EIF3J: variants seen among roughly 807,000 people sequenced by gnomAD.
The protein encoded by EIF3J is eukaryotic translation initiation factor 3, subunit 1 (alpha, 35kD).
In EIF3J, 15 loss-of-function variants were observed where a neutral mutation model predicts 39.0. That is an observed-to-expected ratio of 0.38 (90% CI 0.26 to 0.59). The LOEUF is 0.59. Ranked by LOEUF, EIF3J falls within the 20% of genes least tolerant of loss-of-function variation. The pLI, the probability that EIF3J is intolerant of heterozygous loss-of-function variation, is 0.60. For synonymous variants in EIF3J, 98 were observed against 112.9 expected, an observed-to-expected ratio of 0.87 and a Z score of 0.84; for missense variants, 226 against 308.6, an observed-to-expected ratio of 0.73 and a Z score of 2.00.
intron 5 of EIF3J, 59 bp from the exon 6 acceptor site, chr15:44,557,430 G>C: frequency 7.5e-7 from 1 of 1,330,044 alleles, no homozygotes; most frequent in Non-Finnish European, 1.0e-6. Context: ...GCTTTGTAAG[G>C]TTTCATTTTT....
rs781005692 is a variant in EIF3J at position 44,554,597 on chromosome 15, A to G, written c.339A>G (p.Gln113=). The part of the protein sequence containing the change: ...EEPKVLTPEE[Q]LADKLRLKKL... ...CTAAAGTGCTAACACCAGAAGAACA[A>G]TTAGCAGATAAACTGCGGCTAAAGA... Residue 113 remains glutamine, a synonymous_variant, in exon 5 of 8, where the codon CAA becomes CAG. Coordinates refer to ENST00000261868, the MANE Select transcript of EIF3J (RefSeq NM_003758.4). 6 of 1,612,860 alleles carry G rather than the reference A, an allele frequency of 3.7e-6. No individual in the cohort carries two copies. The East Asian group carries it at 1.3e-4, about 36-fold the overall frequency.
chr15:44,542,394 A>T (rs761642373), intron 2 of EIF3J, among the ~76,000 whole-genome samples: 2 of 152,196 alleles, frequency 1.3e-5, no homozygotes, highest in Non-Finnish European at 2.9e-5. Flanking sequence ...TAAAGAAAAA[A>T]GGAGAAGGAG....
intron 5 of EIF3J, among the ~76,000 whole-genome samples, chr15:44,556,198 G>T (rs542619824): frequency 6.6e-6 from 1 of 152,208 alleles, no homozygotes; most frequent in South Asian, 2.1e-4. Flanking sequence ...GATTTAACAT[G>T]TTTACCCCCG....
intron 6 of EIF3J, 31 bp downstream of exon 6, chr15:44,557,681 G>A: frequency 2.1e-6 from 3 of 1,395,868 alleles, no homozygotes; most frequent in Non-Finnish European, 2.8e-6. Context: ...GCCCCTCTGG[G>A]TAGATTTTTA....
chr15:44,554,490 T>C, intron 4 of EIF3J, 63 bp from the exon 5 acceptor site: 2 of 863,524 alleles, frequency 2.3e-6, no homozygotes, highest in Non-Finnish European at 3.6e-6. Flanking sequence ...ATTCGTACAA[T>C]ACAGAAAGGT....
chr15:44,549,392 AAAAACAAAAC>A (rs372596724), intron 2 of EIF3J, among the ~76,000 whole-genome samples: 12 of 152,192 alleles, frequency 7.9e-5, no homozygotes, highest in African/African-American at 1.7e-4. Flanking sequence ...ACTCCAACTC[AAAAACAAAAC>A]AAAACAAAAC....
At chr15:44,550,853 T>C (rs1390851387) in intron 2 of EIF3J, 23 bp from the exon 3 acceptor site, 20 of 1,505,812 alleles carry the variant, frequency 1.3e-5, no homozygotes, top group Non-Finnish European at 1.8e-5. Context: ...GCAAGAATTA[T>C]TAATGGAAGT....
chr15:44,562,786 A>G lies in EIF3J; in HGVS notation c.*1637A>G, dbSNP rs1355820745. 8.3e-6 allele frequency: 2 copies of G among 240,956 alleles called. No homozygotes were observed. Among genetic ancestry groups the G allele is most frequent in the Non-Finnish European group, 1.6e-5 (2 of 122,178 alleles). 14.9% of individuals were successfully genotyped at this position (240,956 alleles called of 1,614,324 possible). ...CCTTAACTGTGTAAATAATAATTAA[A>G]TTTCTTTGAAACTGGAATCTGCAGG... On this transcript the variant is annotated 3_prime_UTR_variant, in exon 8 of 8. Coordinates refer to ENST00000261868, the MANE Select transcript of EIF3J (RefSeq NM_003758.4).
At chr15:44,547,106 C>G (rs539106537) in intron 2 of EIF3J, among the ~76,000 whole-genome samples, 2 of 143,818 alleles carry the variant, frequency 1.4e-5, no homozygotes, top group African/African-American at 5.2e-5. Flanking sequence ...TTAAAGTGCC[C>G]TGAGTTAGAG....
Position 44,537,234 on chromosome 15 carries a change from T to C in EIF3J, c.40T>C (p.Trp14Arg). The change falls in exon 1 of 8, where the codon TGG becomes CGG. Residue 14 changes from tryptophan to arginine, a missense_variant. This residue lies in a region of EIF3J where 143 missense variants were observed against 156.0 expected (regional missense o/e 0.92). Transcript: ENST00000261868. ...GGCGGCGGCGGGGGACTCGGACTCC[T>C]GGGGTGAGGAGAAGTTGCTGGGGCA... ...AAAAAGDSDS[W>R]DADAFSVEDP... 2 of 1,592,966 alleles carry C rather than the reference T, an allele frequency of 1.3e-6. No individual in the cohort carries two copies. Among genetic ancestry groups the C allele is most frequent in the Non-Finnish European group, 1.7e-6 (2 of 1,170,660 alleles).
In EIF3J at chr15:44,559,190, G is replaced by C. The variant is rs1440436544; in HGVS notation, c.572-1059G>C. ...GAGGCTGGTAGATCACCTGAGGTCAGGAGTTTGAGACTAACCTTGCCAACA... is the reference window on the plus strand; with the variant it reads ...GAGGCTGGTAGATCACCTGAGGTCACGAGTTTGAGACTAACCTTGCCAACA... On this transcript the variant is annotated intron_variant, in intron 6 of 7. Transcript: ENST00000261868. 2.7e-5 allele frequency: 4 copies of C among 148,976 alleles called. No individual in the cohort carries two copies. In the East Asian group the frequency reaches 8.0e-4, roughly 30 times the overall value. 9.2% of individuals were successfully genotyped at this position (148,976 alleles called of 1,614,324 possible). A position where few individuals can be genotyped will look rare whatever the true frequency, so the allele number is the denominator to read the frequency against.
At chr15:44,552,397 A>C (rs938362229) in intron 4 of EIF3J, among the ~76,000 whole-genome samples, 2 of 151,232 alleles carry the variant, frequency 1.3e-5, no homozygotes, top group African/African-American at 2.4e-5. Context: ...GGCACACGCA[A>C]CCATGCCTGG....
In EIF3J at chr15:44,551,470, TAAAAG is replaced by T. The variant is rs2082098498; in HGVS notation, c.244_248del (p.Lys82GlufsTer13). The T allele has an allele frequency of 6.3e-7, 1 of 1,588,454 alleles. No homozygotes were observed. Among genetic ancestry groups the T allele is most frequent in the Non-Finnish European group, 8.5e-7 (1 of 1,171,700 alleles). ...GAAAAGAAAAAAATAGCAGAGAAGATAAAAGAGAAAGAACGGCAACAGAAGAAAAG... is the reference window on the plus strand; with the variant it reads ...GAAAAGAAAAAAATAGCAGAGAAGATAGAAAGAACGGCAACAGAAGAAAAG... On this transcript the variant is annotated frameshift_variant, in exon 4 of 8. Transcript: ENST00000261868. LOFTEE classifies it high-confidence loss of function.
intron 2 of EIF3J, among the ~76,000 whole-genome samples, chr15:44,540,689 C>T (rs574881404): frequency 5.4e-4 from 83 of 152,324 alleles, no homozygotes; most frequent in Non-Finnish European, 1.2e-3. Flanking sequence ...GATCTATCCT[C>T]CTCAGCCTCC....
At chr15:44,545,637 A>G (rs1242218681) in intron 2 of EIF3J, among the ~76,000 whole-genome samples, 9 of 152,226 alleles carry the variant, frequency 5.9e-5, no homozygotes, top group Non-Finnish European at 1.5e-5. Flanking sequence ...GTTTCAATGC[A>G]TGTATACATT....
intron 2 of EIF3J, among the ~76,000 whole-genome samples, chr15:44,547,031 C>G (rs915771518): frequency 6.6e-6 from 1 of 151,918 alleles, no homozygotes. Flanking sequence ...TCATGTTGGC[C>G]AGGCTGGTCT....
chr15:44,551,846 T>G (rs1326914861), intron 4 of EIF3J, among the ~76,000 whole-genome samples: 1 of 151,776 alleles, frequency 6.6e-6, no homozygotes, highest in Non-Finnish European at 1.5e-5. Flanking sequence ...TTTTTTTTTT[T>G]TGGAGACGGA....
At chr15:44,541,765 TA>T (rs2082016467) in intron 2 of EIF3J, among the ~76,000 whole-genome samples, 1 of 152,210 alleles carries the variant, frequency 6.6e-6, no homozygotes, top group Non-Finnish European at 1.5e-5. Flanking sequence ...ATGTGTAACT[TA>T]AGAAAAATTC....
intron 5 of EIF3J, among the ~76,000 whole-genome samples, chr15:44,556,762 T>TAGGCCTCCCA (rs1217804058): frequency 1.3e-5 from 2 of 152,174 alleles, no homozygotes; most frequent in Admixed American, 1.3e-4. Context: ...TCGGCCTGCC[T>TAGGCCTCCCA]AGGCCTCCCA....
Sources: allele counts gnomAD v4.1 joint callset (sites outside exome capture counted in the v4.1 genomes callset), GRCh38; gene constraint gnomAD v4.1.1; regional missense constraint gnomAD v4.1.1; transcripts MANE v1.5; gene names NCBI Gene and HGNC (gene_info 2026-07-23, HGNC 2026-07-21).